The following ERC2 variants were observed in gnomAD, a reference collection of about 807,000 sequenced individuals.
ERC2 encodes the protein ERC protein 2.
Under a neutral mutation model 114.8 loss-of-function variants are expected in ERC2, and 42 were observed. The ratio of observed to expected loss-of-function variants is 0.37; its 90% CI spans 0.29 to 0.47. ERC2 has a LOEUF of 0.47. ERC2 is among the 20% of genes least tolerant of loss of function. ERC2 has a pLI of 0.99. For synonymous variants in ERC2, 454 were observed against 425.5 expected (o/e 1.07, Z -0.82); for missense variants, 939 against 1,150.7 (o/e 0.82, Z 2.66).
rs183361217 is a variant in ERC2, at chr3:55,857,250, T to C, written c.2564+31139A>G. Reference sequence around the variant, plus strand: ...AGAGGGTGACAGGGAAGACACTATTTAGCTAATGTGGTCAGAAAGTGTCTT... The same window carrying C: ...AGAGGGTGACAGGGAAGACACTATTCAGCTAATGTGGTCAGAAAGTGTCTT... On this transcript the variant is annotated intron_variant, in intron 14 of 17. Coordinates refer to ENST00000288221, the MANE Select transcript of ERC2 (RefSeq NM_015576.3). Among the ~76,000 whole-genome samples the C allele has an allele frequency of 1.4e-4, 21 of 152,284 alleles. No homozygotes were observed. The East Asian group carries it at 4.1e-3, about 29-fold the overall frequency.
At chr3:56,429,384 C>T (rs1559490739) in intron 2 of ERC2, among the ~76,000 whole-genome samples, 1 of 152,136 alleles carries the variant, frequency 6.6e-6, no homozygotes, top group African/African-American at 2.4e-5. Context: ...TCTCCTCATC[C>T]CTCCCCCAAC....
intron 13 of ERC2, among the ~76,000 whole-genome samples, chr3:55,911,323 A>C (rs1357814549): frequency 6.6e-6 from 1 of 152,200 alleles, no homozygotes; most frequent in Non-Finnish European, 1.5e-5. Context: ...TGTGCTTTCA[A>C]AGTCCACAAG....
At chr3:55,575,173 C>T (rs2107537780) in intron 17 of ERC2, among the ~76,000 whole-genome samples, 1 of 152,268 alleles carries the variant, frequency 6.6e-6, no homozygotes, top group Admixed American at 6.5e-5. Context: ...CGCCACTAAG[C>T]CCAGCTAATT....
At chr3:56,064,598 G>C (rs1418286993) in intron 7 of ERC2, among the ~76,000 whole-genome samples, 2 of 152,206 alleles carry the variant, frequency 1.3e-5, no homozygotes, top group African/African-American at 4.8e-5. Context: ...CCTTGGGAAC[G>C]AACGACTTAC....
intron 3 of ERC2, among the ~76,000 whole-genome samples, chr3:56,180,126 C>T (rs1195865144): frequency 6.6e-6 from 1 of 152,076 alleles, no homozygotes; most frequent in Non-Finnish European, 1.5e-5. Context: ...GAGAGCGTGG[C>T]CATCACATCA....
chr3:55,583,933 G>C lies in ERC2; in HGVS notation c.*40-72657C>G, dbSNP rs564269577. On this transcript the variant is annotated intron_variant, in intron 17 of 17. Coordinates refer to ENST00000288221, the MANE Select transcript of ERC2 (RefSeq NM_015576.3). ...ACAGGGTTAGGAGTCAAGCTCCCAA[G>C]ACTTTCTGGGATAGAATTTTGGCTT... is the stretch of plus-strand genomic sequence containing the variant. 3.9e-5 allele frequency among the ~76,000 whole-genome samples: 6 copies of C among 152,186 alleles called. No individual in the cohort carries two copies. In the South Asian group the frequency reaches 6.2e-4, roughly 16 times the overall value.
At chr3:55,709,170 T>C (rs1179375) in intron 15 of ERC2, among the ~76,000 whole-genome samples, 80,551 of 151,742 alleles carry the variant, frequency 0.53, 21,814 homozygotes, top group South Asian at 0.69. Context: ...GTGAACATTC[T>C]AGTAGAACTC....
intron 17 of ERC2, among the ~76,000 whole-genome samples, chr3:55,622,305 T>C (rs544603847): frequency 6.6e-6 from 1 of 152,280 alleles, no homozygotes; most frequent in African/African-American, 2.4e-5. Context: ...AGAAATGTGG[T>C]GGAGAAGGCA....
At chr3:55,655,224 T>C (rs1422982038) in intron 17 of ERC2, among the ~76,000 whole-genome samples, 1 of 140,704 alleles carries the variant, frequency 7.1e-6, no homozygotes, top group Non-Finnish European at 1.6e-5. Flanking sequence ...CCCCCTTTAT[T>C]GGCTTGCCTT....
chr3:55,567,333 G>A (rs1296420003), intron 17 of ERC2, among the ~76,000 whole-genome samples: 3 of 152,158 alleles, frequency 2.0e-5, no homozygotes, highest in Non-Finnish European at 4.4e-5. Context: ...CCAGAATGTT[G>A]GGAAAGAGAC....
chr3:56,446,000 G>A (rs1005798678), intron 1 of ERC2, among the ~76,000 whole-genome samples: 3 of 151,952 alleles, frequency 2.0e-5, no homozygotes, highest in African/African-American at 7.3e-5. Context: ...CTCTTGTTTA[G>A]GTTAAAGTAG....
chr3:56,312,201 T>C (rs2056622090), intron 2 of ERC2, among the ~76,000 whole-genome samples: 3 of 152,190 alleles, frequency 2.0e-5, no homozygotes, highest in South Asian at 2.1e-4. Context: ...GTTTACTATT[T>C]CTAAAGATTC....
intron 10 of ERC2, among the ~76,000 whole-genome samples, chr3:55,997,880 G>GGTTTTTT (rs1302588153): frequency 2.2e-5 from 1 of 44,788 alleles, no homozygotes. Flanking sequence ...TCTTAATTCT[G>GGTTTTTT]TTTTTTTTTT....
intron 3 of ERC2, among the ~76,000 whole-genome samples, chr3:56,273,588 A>G (rs373656222): frequency 5.7e-5 from 8 of 139,740 alleles, no homozygotes; most frequent in African/African-American, 2.0e-4. Flanking sequence ...CACATTCATG[A>G]AAATCAAACA....
intron 17 of ERC2, among the ~76,000 whole-genome samples, chr3:55,593,383 C>T (rs979449404): frequency 1.3e-5 from 2 of 152,092 alleles, no homozygotes; most frequent in Admixed American, 6.5e-5. Context: ...AGGAGGAGGA[C>T]CCAGGATGAA....
chr3:55,991,073 C>G (rs749072149), intron 11 of ERC2, among the ~76,000 whole-genome samples: 1 of 152,174 alleles, frequency 6.6e-6, no homozygotes. Flanking sequence ...CCAGCCTGCA[C>G]AGCTGGCAAA....
chr3:55,616,609 G>A (rs922496340), intron 17 of ERC2, among the ~76,000 whole-genome samples: 7 of 148,088 alleles, frequency 4.7e-5, no homozygotes, highest in Non-Finnish European at 1.0e-4. Flanking sequence ...CATTTTAATC[G>A]TAAAAGCTAC....
chr3:56,040,206 A>G (rs2075047429), intron 7 of ERC2, among the ~76,000 whole-genome samples: 1 of 152,214 alleles, frequency 6.6e-6, no homozygotes, highest in South Asian at 2.1e-4. Flanking sequence ...ACACCAAAAC[A>G]GATGTTACAA....
At chr3:55,703,492 C>T (rs1257041291) in intron 15 of ERC2, among the ~76,000 whole-genome samples, 2 of 152,240 alleles carry the variant, frequency 1.3e-5, no homozygotes, top group Non-Finnish European at 2.9e-5. Flanking sequence ...TGTAGCCACC[C>T]CCCTGGGTCT....
Sources: gnomAD v4.1 joint callset for allele counts (sites outside exome capture counted in the v4.1 genomes callset) on GRCh38, gnomAD v4.1.1 for gene constraint, MANE v1.5 for transcripts, NCBI Gene and HGNC (gene_info 2026-07-23, HGNC 2026-07-21) for gene names.